The following RABGAP1L variants were observed in gnomAD, a reference collection of about 807,000 sequenced individuals.
RABGAP1L encodes rab GTPase-activating protein 1-like.
RABGAP1L carries 63 observed loss-of-function variants against 137.7 expected under a neutral mutation model. The observed-to-expected ratio is 0.46, with a 90% CI of 0.37 to 0.56. RABGAP1L has a LOEUF of 0.56. RABGAP1L is among the 20% of genes least tolerant of loss of function. RABGAP1L has a pLI of 0.00. For missense variants in RABGAP1L, 1,095 were observed against 1,244.0 expected, an observed-to-expected ratio of 0.88 and a Z score of 1.80; for synonymous variants, 431 against 433.7, an observed-to-expected ratio of 0.99 and a Z score of 0.08.
At chr1:174,854,592 A>G (rs1209446540) in intron 19 of RABGAP1L, among the ~76,000 whole-genome samples, 1 of 152,028 alleles carries the variant, frequency 6.6e-6, no homozygotes, top group Admixed American at 6.6e-5. Context: ...TCAGGAAATC[A>G]ATTAGACCCT....
intron 19 of RABGAP1L, among the ~76,000 whole-genome samples, chr1:174,847,510 A>G (rs1205053756): frequency 4.0e-5 from 6 of 149,178 alleles, no homozygotes; most frequent in Non-Finnish European, 8.9e-5. Context: ...TGGATATGAA[A>G]TTCTGGGTTG....
At chr1:174,989,673 CT>C (rs1367194265) in intron 25 of RABGAP1L, among the ~76,000 whole-genome samples, 175 bp from the exon 26 acceptor site, 2 of 152,116 alleles carry the variant, frequency 1.3e-5, no homozygotes, top group Non-Finnish European at 2.9e-5. Context: ...TTTGATAAGT[CT>C]TTTAGCTCTT....
At position 174,660,203 on chromosome 1, in the gene RABGAP1L, G is replaced by A. The variant is rs183975749; in HGVS notation, c.1824+22715G>A. Among the ~76,000 whole-genome samples the A allele has an allele frequency of 2.0e-5, 3 of 152,282 alleles. No homozygotes were observed. In the East Asian group the frequency reaches 5.8e-4, roughly 29 times the overall value. ...CACCAGGGACAGAAATAGCAGTGGG[G>A]TAAGCCAGGCGCCATATGACACACA... On this transcript the variant is annotated intron_variant, in intron 14 of 25. Coordinates refer to ENST00000681986, the MANE Select transcript of RABGAP1L (RefSeq NM_001366446.1).
intron 13 of RABGAP1L, among the ~76,000 whole-genome samples, chr1:174,395,402 A>G (rs1429808511): frequency 1.3e-5 from 2 of 152,054 alleles, no homozygotes; most frequent in Admixed American, 1.3e-4. Context: ...TTTTAATTTA[A>G]TATGTTCCTT....
chr1:174,940,743 T>C (rs1490511896), intron 19 of RABGAP1L, among the ~76,000 whole-genome samples: 1 of 152,242 alleles, frequency 6.6e-6, no homozygotes, highest in Non-Finnish European at 1.5e-5. Flanking sequence ...ACGTCAGATA[T>C]TCTGCCTCAT....
chr1:174,544,169 G>T (rs368650371), intron 13 of RABGAP1L, among the ~76,000 whole-genome samples: 1 of 152,148 alleles, frequency 6.6e-6, no homozygotes, highest in South Asian at 2.1e-4. Context: ...AAGTTCTCCT[G>T]GGTAATATCC....
At chr1:174,949,475 G>T (rs186214021) in intron 19 of RABGAP1L, among the ~76,000 whole-genome samples, 1 of 152,318 alleles carries the variant, frequency 6.6e-6, no homozygotes, top group East Asian at 1.9e-4. Context: ...AGCATTGGTT[G>T]GGGGAGCAGA....
At chr1:174,417,335 T>C (rs781709037) in intron 13 of RABGAP1L, among the ~76,000 whole-genome samples, 1 of 152,194 alleles carries the variant, frequency 6.6e-6, no homozygotes, top group Non-Finnish European at 1.5e-5. Context: ...TTCAAGGTGC[T>C]AAATCTTATA....
intron 15 of RABGAP1L, among the ~76,000 whole-genome samples, chr1:174,698,734 G>A (rs1679436351): frequency 6.6e-6 from 1 of 151,808 alleles, no homozygotes; most frequent in African/African-American, 2.4e-5. Flanking sequence ...AACATATATT[G>A]TTAAGGAAAA....
chr1:174,874,701 C>T (rs1253910655), intron 19 of RABGAP1L, among the ~76,000 whole-genome samples: 10 of 148,750 alleles, frequency 6.7e-5, no homozygotes, highest in African/African-American at 2.5e-4. Context: ...AACAGGAGTT[C>T]GTAGACAGGA....
chr1:174,870,858 C>T lies in RABGAP1L; in HGVS notation c.2340+58898C>T, dbSNP rs566380206. Among the ~76,000 whole-genome samples, 17 of 152,016 alleles carry T rather than the reference C, an allele frequency of 1.1e-4. No homozygotes were observed. In the South Asian group the frequency reaches 3.5e-3, roughly 32 times the overall value. ...GCTCACGCCATTCTCCTGCCTCAGC[C>T]TCCTGAGTAGCTGGGACTACAGGCG... On this transcript the variant is annotated intron_variant, in intron 19 of 25. Transcript: ENST00000681986.
In RABGAP1L at chr1:174,199,077, C is replaced by T. The variant is rs542539410; in HGVS notation, c.-33-20048C>T. Among the ~76,000 whole-genome samples, 851 of 152,266 alleles carry T rather than the reference C, an allele frequency of 5.6e-3. 4 individuals carry two copies. Among genetic ancestry groups the T allele is most frequent in the Middle Eastern group, 0.01 (3 of 294 alleles). On this transcript the variant is annotated intron_variant, in intron 1 of 25. Transcript: ENST00000681986. Reference sequence around the variant, plus strand: ...GAGCCAAGATTGCGCCATTGCACTCCAGCCTGGGCAACAAGAGCAAAACTC... The same window carrying T: ...GAGCCAAGATTGCGCCATTGCACTCTAGCCTGGGCAACAAGAGCAAAACTC...
At chr1:174,196,217 T>C in intron 1 of RABGAP1L, among the ~76,000 whole-genome samples, 1 of 150,636 alleles carries the variant, frequency 6.6e-6, no homozygotes, top group African/African-American at 2.4e-5. Flanking sequence ...TTGTACTTCT[T>C]TCTTTCTTTC....
chr1:174,255,317 C>G (rs1172875137), intron 7 of RABGAP1L, among the ~76,000 whole-genome samples: 2 of 152,000 alleles, frequency 1.3e-5, no homozygotes, highest in African/African-American at 2.4e-5. Context: ...ATACAGGAAC[C>G]TTTTAGTTTT....
intron 19 of RABGAP1L, among the ~76,000 whole-genome samples, chr1:174,867,340 CA>C (rs1308647485): frequency 1.2e-4 from 16 of 139,062 alleles, no homozygotes; most frequent in East Asian, 1.0e-3. Context: ...GAGATCGCGC[CA>C]AAAAAAAAAG....
intron 13 of RABGAP1L, among the ~76,000 whole-genome samples, chr1:174,599,774 G>A (rs1177863772): frequency 6.6e-6 from 1 of 151,988 alleles, no homozygotes; most frequent in Non-Finnish European, 1.5e-5. Context: ...TTGACCTTTG[G>A]GAGTTTGATT....
chr1:174,596,697 T>A (rs1053902759), intron 13 of RABGAP1L, among the ~76,000 whole-genome samples: 1 of 152,210 alleles, frequency 6.6e-6, no homozygotes, highest in Non-Finnish European at 1.5e-5. Flanking sequence ...TCAGTTTGGA[T>A]GACCTTTATT....
chr1:174,773,256 C>G (rs898156908), intron 18 of RABGAP1L, among the ~76,000 whole-genome samples: 2 of 151,818 alleles, frequency 1.3e-5, no homozygotes, highest in African/African-American at 4.8e-5. Context: ...CCAGGCATGG[C>G]GACATATGCC....
At chr1:174,776,049 C>A (rs373996086) in intron 18 of RABGAP1L, among the ~76,000 whole-genome samples, 5 of 152,084 alleles carry the variant, frequency 3.3e-5, no homozygotes, top group African/African-American at 1.2e-4. Context: ...ACACCATTTT[C>A]CATTGTCCTC....
Sources: allele counts gnomAD v4.1 joint callset (sites outside exome capture counted in the v4.1 genomes callset), GRCh38; gene constraint gnomAD v4.1.1; transcripts MANE v1.5; gene names NCBI Gene and HGNC (gene_info 2026-07-23, HGNC 2026-07-21).